TTC27: variants seen among roughly 807,000 people sequenced by gnomAD.
TTC27 encodes the protein tetratricopeptide repeat domain 27.
In TTC27, 79 loss-of-function variants were observed where a neutral mutation model predicts 115.9. The observed-to-expected ratio is 0.68, with a 90% confidence interval of 0.57 to 0.82. The LOEUF is 0.82. TTC27 is among the 40% of genes least tolerant of loss of function. TTC27 has a pLI of 0.00. For missense variants in TTC27, 1,054 were observed against 993.1 expected (o/e 1.06, Z -0.82); for synonymous variants, 401 against 356.0 (o/e 1.13, Z -1.42).
At chr2:32,711,150 A>G (rs1048161049) in intron 10 of TTC27, among the ~76,000 whole-genome samples, 6 of 151,306 alleles carry the variant, frequency 4.0e-5, no homozygotes, top group African/African-American at 1.5e-4. Flanking sequence ...GAAGAAGAAG[A>G]AGAAGAGAAG....
At chr2:32,663,925 C>T (rs970664668) in intron 5 of TTC27, among the ~76,000 whole-genome samples, 2 of 151,920 alleles carry the variant, frequency 1.3e-5, no homozygotes, top group Non-Finnish European at 2.9e-5. Flanking sequence ...CCTTGTGATC[C>T]GCCCACCTCG....
At chr2:32,730,620 TA>T (rs1428102500) in intron 10 of TTC27, among the ~76,000 whole-genome samples, 7 of 123,380 alleles carry the variant, frequency 5.7e-5, no homozygotes, top group Admixed American at 3.2e-4. Flanking sequence ...AAGACTTTCT[TA>T]TTTTTTTTTT....
intron 14 of TTC27, among the ~76,000 whole-genome samples, chr2:32,778,956 G>T (rs1670084686): frequency 6.6e-6 from 1 of 152,208 alleles, no homozygotes; most frequent in Non-Finnish European, 1.5e-5. Flanking sequence ...GGGTGTGGTG[G>T]CTCACGCCTG....
chr2:32,784,059 T>C (rs1670267797), intron 15 of TTC27, among the ~76,000 whole-genome samples: 1 of 152,230 alleles, frequency 6.6e-6, no homozygotes, highest in Non-Finnish European at 1.5e-5. Flanking sequence ...CTGATAGTGC[T>C]AAAACTCTCT....
chr2:32,812,606 C>A lies in TTC27; in HGVS notation c.2299C>A (p.Leu767Ile). Residue 767 changes from leucine (L) to isoleucine (I), a missense_variant, in exon 18 of 20, where the codon CTT (leucine) becomes ATT (isoleucine). Leu to Ile is a conservative substitution (Grantham distance 5). Transcript: ENST00000317907. ...GGAAGTTGTTCAAAGAGCCTTAGGA[C>A]TTGCACATGGTATTTGATGTAACAT... ...FKEVVQRALG[L>I]AHVAIKCSKN... The A allele has an allele frequency of 6.2e-7, 1 of 1,610,752 alleles. No homozygotes were observed. Among genetic ancestry groups the A allele is most frequent in the Non-Finnish European group, 8.5e-7 (1 of 1,176,978 alleles).
intron 15 of TTC27, among the ~76,000 whole-genome samples, chr2:32,786,572 T>C (rs963137917): frequency 2.0e-5 from 3 of 152,218 alleles, no homozygotes; most frequent in Non-Finnish European, 2.9e-5. Context: ...GTGTGTTGTT[T>C]TGTTTTGACC....
At chr2:32,770,143 A>G (rs1032994143) in intron 13 of TTC27, among the ~76,000 whole-genome samples, 3 of 152,198 alleles carry the variant, frequency 2.0e-5, no homozygotes, top group African/African-American at 7.2e-5. Context: ...CTTGGTAACT[A>G]TCAGTTTTGG....
chr2:32,670,460 T>G (rs1211225315), intron 7 of TTC27, among the ~76,000 whole-genome samples: 1 of 152,156 alleles, frequency 6.6e-6, no homozygotes, highest in Non-Finnish European at 1.5e-5. Context: ...CAGTGTATAA[T>G]CTTTTGGTCT....
intron 5 of TTC27, among the ~76,000 whole-genome samples, chr2:32,651,802 T>A (rs926181930): frequency 2.6e-5 from 4 of 152,176 alleles, no homozygotes; most frequent in Non-Finnish European, 4.4e-5. Flanking sequence ...CATATGCTAA[T>A]CTTAGATAAA....
At chr2:32,694,175 T>G (rs2151896435) in intron 9 of TTC27, among the ~76,000 whole-genome samples, 1 of 152,182 alleles carries the variant, frequency 6.6e-6, no homozygotes, top group East Asian at 1.9e-4. Flanking sequence ...AAGAAATGAG[T>G]ATGAATTATT....
intron 5 of TTC27, 116 bp downstream of exon 5, chr2:32,650,349 G>GTTTCTT (rs1665055791): frequency 4.2e-6 from 1 of 240,716 alleles, no homozygotes; most frequent in African/African-American, 3.8e-5. Flanking sequence ...GTTTTGAGTT[G>GTTTCTT]TTTCTTTTTT....
chr2:32,636,544 T>G (rs1213102012), intron 3 of TTC27, among the ~76,000 whole-genome samples: 1 of 152,176 alleles, frequency 6.6e-6, no homozygotes, highest in African/African-American at 2.4e-5. Context: ...AATTTGGTCC[T>G]TACAGATTTG....
At position 32,628,329 on chromosome 2, in the gene TTC27, C is replaced by T; in HGVS notation, c.37C>T (p.Pro13Ser). The T allele has an allele frequency of 6.2e-7, 1 of 1,607,748 alleles. No homozygotes were observed. Among genetic ancestry groups the T allele is most frequent in the Non-Finnish European group, 8.5e-7 (1 of 1,178,072 alleles). The change falls in exon 1 of 20, where the codon CCC becomes TCC. Residue 13 changes from proline (P) to serine (S), a missense_variant. Physicochemically the swap from Pro to Ser is moderately conservative, Grantham distance 74 (BLOSUM62 -1). Coordinates refer to ENST00000317907, the MANE Select transcript of TTC27 (RefSeq NM_017735.5). ...TPELAILRGF[P>S]TEAERQQWKQ... ...GGAGCTGGCAATTCTGAGGGGATTCCCCACTGAGGCTGAGCGGCAGCAATG... is the reference window on the plus strand; with the variant it reads ...GGAGCTGGCAATTCTGAGGGGATTCTCCACTGAGGCTGAGCGGCAGCAATG...
intron 4 of TTC27, among the ~76,000 whole-genome samples, chr2:32,649,649 A>C (rs747314052): frequency 6.6e-6 from 1 of 151,796 alleles, no homozygotes; most frequent in African/African-American, 2.4e-5. Context: ...GGTTTAAGCA[A>C]TTCTCCTGCC....
chr2:32,720,586 G>C lies in TTC27; in HGVS notation c.1234-13242G>C, dbSNP rs535724035. On this transcript the variant is annotated intron_variant, in intron 10 of 19. Transcript: ENST00000317907. ...TCAACATAGGGTAGTAATTCAGTTTGGTTGGTTGTATTTTTTTAAGGGAAG... is the reference window on the plus strand; with the variant it reads ...TCAACATAGGGTAGTAATTCAGTTTCGTTGGTTGTATTTTTTTAAGGGAAG... 9.2e-5 allele frequency among the ~76,000 whole-genome samples: 14 copies of C among 152,190 alleles called. No individual in the cohort carries two copies. The East Asian group carries it at 2.5e-3, about 27-fold the overall frequency.
rs55659010 is a variant in TTC27, at chr2:32,742,901, T to A, written c.1452+6085T>A. ...TGTGTGTGTGTGCGCACACACTTTT[T>A]AAAAATTTTTTTTAATCCTAAAGCT... On this transcript the variant is annotated intron_variant, in intron 12 of 19. Transcript: ENST00000317907. 2.4e-3 allele frequency among the ~76,000 whole-genome samples: 365 copies of A among 152,300 alleles called. 1 individual carries two copies. The highest frequency in any genetic ancestry group is 8.1e-3 in the African/African-American group (338 of 41,550).
At chr2:32,777,322 G>T (rs760205875) in intron 13 of TTC27, among the ~76,000 whole-genome samples, 1 of 152,216 alleles carries the variant, frequency 6.6e-6, no homozygotes, top group Non-Finnish European at 1.5e-5. Context: ...GCTTCCAGGC[G>T]TCACCGCCCC....
At chr2:32,736,626 C>T in intron 11 of TTC27, 68 bp from the exon 12 acceptor site, 3 of 1,589,490 alleles carry the variant, frequency 1.9e-6, no homozygotes, top group East Asian at 4.5e-5. Context: ...ATTAGGTACA[C>T]CTGCAAGTGA....
chr2:32,763,439 C>T (rs1186526769), intron 13 of TTC27, among the ~76,000 whole-genome samples: 4 of 152,140 alleles, frequency 2.6e-5, no homozygotes, highest in Admixed American at 2.0e-4. Context: ...TTAGGCAAAC[C>T]AAAGTGGTAT....
Sources: allele counts gnomAD v4.1 joint callset (sites outside exome capture counted in the v4.1 genomes callset), GRCh38; gene constraint gnomAD v4.1.1; transcripts MANE v1.5; gene names NCBI Gene and HGNC (gene_info 2026-07-23, HGNC 2026-07-21).